The following SCFD2 variants were observed in gnomAD, a reference collection of about 807,000 sequenced individuals.
The protein encoded by SCFD2 is sec1 family domain containing 2.
SCFD2 carries 54 observed loss-of-function variants against 58.9 expected under a neutral mutation model. That is an observed-to-expected ratio of 0.92 (90% CI 0.74 to 1.15). The LOEUF (loss-of-function observed/expected upper bound fraction) is 1.15, where lower values mean the gene tolerates loss of function less well. SCFD2 is among the 50% of genes most tolerant of loss of function. The pLI, the probability that SCFD2 is intolerant of heterozygous loss-of-function variation, is 0.00. For synonymous variants in SCFD2, 321 were observed against 335.9 expected, an observed-to-expected ratio of 0.96 and a Z score of 0.49; for missense variants, 805 against 836.6, an observed-to-expected ratio of 0.96 and a Z score of 0.47.
intron 7 of SCFD2, among the ~76,000 whole-genome samples, chr4:52,896,035 G>T (rs560336489): frequency 2.5e-3 from 376 of 151,868 alleles, no homozygotes; most frequent in African/African-American, 8.5e-3. Flanking sequence ...TAAATTTGTT[G>T]GAGTTCATTG....
At chr4:52,911,435 G>GT (rs1479329549) in intron 6 of SCFD2, among the ~76,000 whole-genome samples, 2 of 152,212 alleles carry the variant, frequency 1.3e-5, no homozygotes, top group African/African-American at 2.4e-5. Context: ...TAGAAGTGCT[G>GT]TTTTCTCAAC....
chr4:53,300,720 G>A (rs1278526656), intron 3 of SCFD2, among the ~76,000 whole-genome samples: 5 of 152,138 alleles, frequency 3.3e-5, no homozygotes, highest in Admixed American at 6.6e-5. Flanking sequence ...CTCAGGAAAC[G>A]TAAAAGAACA....
At chr4:53,055,291 T>G (rs1384098442) in intron 5 of SCFD2, among the ~76,000 whole-genome samples, 7 of 152,046 alleles carry the variant, frequency 4.6e-5, no homozygotes, top group Non-Finnish European at 1.0e-4. Flanking sequence ...TCCAGGCCCA[T>G]GAGATTCCAG....
chr4:53,033,231 C>G (rs1018373819), intron 5 of SCFD2, among the ~76,000 whole-genome samples: 1 of 151,876 alleles, frequency 6.6e-6, no homozygotes, highest in Non-Finnish European at 1.5e-5. Context: ...GGGTAAATAA[C>G]GAAATGAAGG....
At chr4:52,896,573 ATAGT>A (rs1477986282) in intron 7 of SCFD2, among the ~76,000 whole-genome samples, 2 of 152,134 alleles carry the variant, frequency 1.3e-5, no homozygotes, top group Non-Finnish European at 2.9e-5. Context: ...GCCTTGTAGT[ATAGT>A]TTGAAGTCAG....
chr4:53,098,811 A>C (rs1454404902), intron 5 of SCFD2, among the ~76,000 whole-genome samples: 2 of 152,172 alleles, frequency 1.3e-5, no homozygotes, highest in Admixed American at 6.5e-5. Flanking sequence ...ACACACATGC[A>C]CGCACACATT....
rs1053081713 is a variant in SCFD2 at position 53,218,682 on chromosome 4, C to T, written c.1311+55144G>A. Among the ~76,000 whole-genome samples the T allele has an allele frequency of 7.9e-5, 12 of 152,300 alleles. No individual in the cohort carries two copies. In the East Asian group the frequency reaches 1.4e-3, roughly 17 times the overall value. On this transcript the variant is annotated intron_variant, in intron 4 of 8. Coordinates refer to ENST00000401642, the MANE Select transcript of SCFD2 (RefSeq NM_152540.4). ...CCGTCCAGCTTTCTTCCGTTGCTGG[C>T]GACGAGCTGCATTCCTTTGGAGGGG...
At chr4:53,100,690 C>T (rs1724808538) in intron 5 of SCFD2, among the ~76,000 whole-genome samples, 1 of 152,154 alleles carries the variant, frequency 6.6e-6, no homozygotes, top group Non-Finnish European at 1.5e-5. Context: ...ATGGAATCAG[C>T]CCAAACCCAG....
intron 5 of SCFD2, among the ~76,000 whole-genome samples, chr4:53,019,354 G>T (rs889908292): frequency 3.3e-5 from 5 of 152,094 alleles, no homozygotes; most frequent in African/African-American, 1.2e-4. Flanking sequence ...GTTTATGTAG[G>T]TGTATAGATA....
intron 5 of SCFD2, among the ~76,000 whole-genome samples, chr4:53,134,470 A>C (rs1024644886): frequency 2.6e-5 from 4 of 152,230 alleles, no homozygotes; most frequent in African/African-American, 9.6e-5. Flanking sequence ...AATAGAGAAG[A>C]AAAAATTTAG....
At chr4:53,141,261 C>T (rs1357064477) in intron 5 of SCFD2, among the ~76,000 whole-genome samples, 2 of 152,026 alleles carry the variant, frequency 1.3e-5, no homozygotes, top group Non-Finnish European at 2.9e-5. Context: ...AGAGGTATAA[C>T]AGTTAAGATG....
At chr4:53,305,114 C>G (rs1209090271) in intron 3 of SCFD2, among the ~76,000 whole-genome samples, 1 of 152,086 alleles carries the variant, frequency 6.6e-6, no homozygotes, top group African/African-American at 2.4e-5. Context: ...CATGTTGTGG[C>G]AAATGGATAT....
At chr4:53,001,001 TTAGAG>T (rs1455377921) in intron 5 of SCFD2, among the ~76,000 whole-genome samples, 5 of 152,216 alleles carry the variant, frequency 3.3e-5, no homozygotes, top group South Asian at 4.1e-4. Flanking sequence ...ATGAATTAGA[TTAGAG>T]TAAACACTAT....
chr4:53,168,949 G>A (rs1201829987), intron 4 of SCFD2, among the ~76,000 whole-genome samples: 3 of 152,178 alleles, frequency 2.0e-5, no homozygotes, highest in Non-Finnish European at 2.9e-5. Flanking sequence ...CTGCTTTTAT[G>A]AGTTCAGTTA....
At chr4:53,185,408 A>G (rs1727706946) in intron 4 of SCFD2, among the ~76,000 whole-genome samples, 1 of 152,054 alleles carries the variant, frequency 6.6e-6, no homozygotes, top group Non-Finnish European at 1.5e-5. Flanking sequence ...TATAATAATA[A>G]TTATAACGCA....
chr4:53,040,441 A>G (rs1722870523), intron 5 of SCFD2, among the ~76,000 whole-genome samples: 1 of 152,098 alleles, frequency 6.6e-6, no homozygotes, highest in African/African-American at 2.4e-5. Context: ...CCTCAATTTC[A>G]TAAGATGGGG....
intron 5 of SCFD2, among the ~76,000 whole-genome samples, chr4:52,972,774 A>G (rs1212389244): frequency 6.6e-6 from 1 of 152,116 alleles, no homozygotes; most frequent in African/African-American, 2.4e-5. Context: ...GAAGTAGAAC[A>G]CTCCTCAGCA....
intron 5 of SCFD2, among the ~76,000 whole-genome samples, chr4:53,042,527 A>C (rs1193379373): frequency 6.6e-6 from 1 of 152,150 alleles, no homozygotes; most frequent in African/African-American, 2.4e-5. Context: ...CTTCCTGGAA[A>C]TTGGAACTTT....
intron 4 of SCFD2, among the ~76,000 whole-genome samples, chr4:53,231,393 T>C (rs1240805722): frequency 6.6e-6 from 1 of 152,206 alleles, no homozygotes; most frequent in Admixed American, 6.5e-5. Context: ...TCGATAAATA[T>C]TGATTGAATG....
Sources: allele counts gnomAD v4.1 joint callset (sites outside exome capture counted in the v4.1 genomes callset), GRCh38; gene constraint gnomAD v4.1.1; transcripts MANE v1.5; gene names NCBI Gene and HGNC (gene_info 2026-07-23, HGNC 2026-07-21).